The following LAMA3 variants were observed in gnomAD, a reference collection of about 807,000 sequenced individuals.
LAMA3 encodes laminin subunit alpha 3.
LAMA3 carries 281 observed loss-of-function variants against 402.0 expected under a neutral mutation model. The ratio of observed to expected loss-of-function variants is 0.70; its 90% CI spans 0.63 to 0.77. LAMA3 has a LOEUF of 0.77. Ranked by LOEUF, LAMA3 falls within the 30% of genes least tolerant of loss-of-function variation. The probability of loss-of-function intolerance (pLI) is 0.00; values close to 1 mark genes in which losing one functional copy is unlikely to be tolerated. For synonymous variants in LAMA3, 1,431 were observed against 1,558.4 expected (o/e 0.92, Z 1.93); for missense variants, 3,840 against 4,215.5 (o/e 0.91, Z 2.47).
At chr18:23,916,976 T>A (rs1310242005) in intron 60 of LAMA3, among the ~76,000 whole-genome samples, 1 of 139,710 alleles carries the variant, frequency 7.2e-6, no homozygotes, top group Non-Finnish European at 1.6e-5. Flanking sequence ...ATCACCCAGG[T>A]AATAAATGTA....
At chr18:23,870,969 G>A (rs1396535421) in intron 37 of LAMA3, among the ~76,000 whole-genome samples, 17 of 152,148 alleles carry the variant, frequency 1.1e-4, no homozygotes, top group Admixed American at 1.1e-3. Flanking sequence ...TAAATTTCAT[G>A]TTGTGTGTTT....
chr18:23,857,008 A>T lies in LAMA3; in HGVS notation c.4137-836A>T, dbSNP rs563065966. Among the ~76,000 whole-genome samples the T allele has an allele frequency of 2.0e-5, 3 of 152,214 alleles. No individual in the cohort carries two copies. In the South Asian group the frequency reaches 6.2e-4, roughly 32 times the overall value. ...ACCCTCTCCTCCTTAACAGCTGTTC[A>T]TGTTGCCTTGTTTGTAACTTGCCAA... On this transcript the variant is annotated intron_variant, in intron 32 of 74. Coordinates refer to ENST00000313654, the MANE Select transcript of LAMA3 (RefSeq NM_198129.4).
In LAMA3 at chr18:23,884,774, T is replaced by C. The variant is rs772257557; in HGVS notation, c.5224T>C (p.Phe1742Leu). Reference protein sequence around the residue: ...RACPCPHTNSFATGCVVNGGD... With the variant: ...RACPCPHTNSLATGCVVNGGD... ...GGCCTTTTTCTGTCTTCTTTCAAGC[T>C]TTGCCACTGGCTGTGTGGTGAATGG... Residue 1742 changes from phenylalanine (F) to leucine (L), a missense_variant and splice_region_variant, in exon 41 of 75, where the codon TTT becomes CTT. This residue lies in a region of LAMA3 where 2,109 missense variants were observed against 2,376.0 expected (regional missense o/e 0.89). Transcript: ENST00000313654. The C allele has an allele frequency of 1.1e-5, 17 of 1,613,490 alleles. No homozygotes were observed. The Admixed American group carries it at 1.3e-4, about 13-fold the overall frequency.
chr18:23,882,323 C>T (rs1357639305), intron 40 of LAMA3, among the ~76,000 whole-genome samples: 2 of 152,062 alleles, frequency 1.3e-5, no homozygotes, highest in African/African-American at 4.8e-5. Context: ...TGAACAAACA[C>T]GACATACAAG....
chr18:23,833,864 G>A lies in LAMA3; in HGVS notation c.2860G>A (p.Gly954Ser). The change falls in exon 24 of 75, where the codon GGC becomes AGC. Residue 954 changes from glycine (G) to serine (S), a missense_variant. Physicochemically the swap from Gly to Ser is moderately conservative, Grantham distance 56 (BLOSUM62 0). This residue lies in a region of LAMA3 where 2,109 missense variants were observed against 2,376.0 expected (regional missense o/e 0.89). Transcript: ENST00000313654. ...LHLRLRIPQVGHYVVVVEYST... is the reference protein window; with the variant it reads ...LHLRLRIPQVSHYVVVVEYST... ...TCTGCGGCTGCGCATCCCACAGGTTGGCCACTACGTGGTTGTGGTCGAGTA... is the reference window on the plus strand; with the variant it reads ...TCTGCGGCTGCGCATCCCACAGGTTAGCCACTACGTGGTTGTGGTCGAGTA... The A allele has an allele frequency of 4.3e-6, 7 of 1,613,844 alleles. No individual in the cohort carries two copies. Among genetic ancestry groups the A allele is most frequent in the Non-Finnish European group, 5.9e-6 (7 of 1,180,038 alleles).
At chr18:23,853,904 C>T (rs2064002871) in intron 32 of LAMA3, among the ~76,000 whole-genome samples, 1 of 152,200 alleles carries the variant, frequency 6.6e-6, no homozygotes, top group Non-Finnish European at 1.5e-5. Flanking sequence ...GTCATGGCAC[C>T]ACCAAAAACT....
intron 27 of LAMA3, 151 bp downstream of exon 27, chr18:23,840,080 G>C: frequency 1.2e-6 from 1 of 842,692 alleles, no homozygotes; most frequent in African/African-American, 1.7e-5. Context: ...CCAGGAATCT[G>C]TGTTTTAACA....
At position 23,900,705 on chromosome 18, in the gene LAMA3, G is replaced by T. The variant is rs150014315; in HGVS notation, c.6005-422G>T. Among the ~76,000 whole-genome samples the T allele has an allele frequency of 2.2e-3, 334 of 152,214 alleles. 2 individuals carry two copies. The highest frequency in any genetic ancestry group is 7.4e-3 in the African/African-American group (309 of 41,536). On this transcript the variant is annotated intron_variant, in intron 47 of 74. Coordinates refer to ENST00000313654, the MANE Select transcript of LAMA3 (RefSeq NM_198129.4). ...ATCAGTGGTTAATATACAGATACTA[G>T]CAGTTTTCTTGCTTAAATTTTTATT...
At chr18:23,809,079 G>A (rs561607000) in intron 12 of LAMA3, among the ~76,000 whole-genome samples, 3 of 152,298 alleles carry the variant, frequency 2.0e-5, no homozygotes, top group Admixed American at 6.5e-5. Flanking sequence ...ACCTCCCCAA[G>A]CACTGGGGGA....
intron 44 of LAMA3, among the ~76,000 whole-genome samples, chr18:23,897,705 C>G (rs1242751175): frequency 1.3e-5 from 2 of 152,224 alleles, no homozygotes; most frequent in South Asian, 4.1e-4. Context: ...TATATAATGA[C>G]TTGCCTCCCT....
At chr18:23,837,570 G>GATAGATATATATATAT (rs368371253) in intron 25 of LAMA3, among the ~76,000 whole-genome samples, 4 of 83,284 alleles carry the variant, frequency 4.8e-5, no homozygotes, top group African/African-American at 1.8e-4. Context: ...CAGTTAATCA[G>GATAGATATATATATAT]ATATATATAT....
intron 2 of LAMA3, among the ~76,000 whole-genome samples, chr18:23,726,083 C>T (rs916343084): frequency 5.9e-5 from 9 of 152,216 alleles, no homozygotes; most frequent in African/African-American, 1.9e-4. Context: ...CTCACCATCC[C>T]TTGAGCCACC....
chr18:23,704,387 C>T (rs1343827537), intron 1 of LAMA3, among the ~76,000 whole-genome samples: 1 of 152,250 alleles, frequency 6.6e-6, no homozygotes, highest in East Asian at 1.9e-4. Context: ...GTAACATTAT[C>T]AGGCACACAC....
chr18:23,815,599 C>CA (rs754585423), intron 17 of LAMA3, 26 bp downstream of exon 17: 4 of 1,437,040 alleles, frequency 2.8e-6, no homozygotes, highest in Admixed American at 3.3e-5. Context: ...GGGCCCTGAG[C>CA]AAAGCACAGT....
At chr18:23,894,073 G>C (rs1047270552) in intron 42 of LAMA3, among the ~76,000 whole-genome samples, 4 of 152,122 alleles carry the variant, frequency 2.6e-5, no homozygotes, top group African/African-American at 9.7e-5. Context: ...GCATGGGTGA[G>C]GGAGGGAAAA....
chr18:23,744,083 C>T (rs1291014985), intron 2 of LAMA3, among the ~76,000 whole-genome samples: 1 of 152,138 alleles, frequency 6.6e-6, no homozygotes, highest in Non-Finnish European at 1.5e-5. Context: ...CAGAATAAAT[C>T]CCTACCTGTT....
intron 36 of LAMA3, 137 bp from the exon 37 acceptor site, chr18:23,867,697 G>A (rs2064397346): frequency 5.4e-6 from 4 of 739,838 alleles, no homozygotes; most frequent in East Asian, 2.5e-5. Context: ...ATTTTTACCA[G>A]TCAGTTAATT....
At chr18:23,775,201 A>G (rs1324133377) in intron 9 of LAMA3, among the ~76,000 whole-genome samples, 1 of 152,188 alleles carries the variant, frequency 6.6e-6, no homozygotes, top group Non-Finnish European at 1.5e-5. Context: ...CAATCTTCTT[A>G]TACTTGCACT....
chr18:23,949,683 G>C (rs1185110750), intron 70 of LAMA3, 82 bp from the exon 71 acceptor site: 1 of 1,351,800 alleles, frequency 7.4e-7, no homozygotes. Flanking sequence ...TTGCTGACAA[G>C]CTGCAGTGCC....
Sources: allele counts gnomAD v4.1 joint callset (sites outside exome capture counted in the v4.1 genomes callset), GRCh38; gene constraint gnomAD v4.1.1; regional missense constraint gnomAD v4.1.1; transcripts MANE v1.5; gene names NCBI Gene and HGNC (gene_info 2026-07-23, HGNC 2026-07-21).